The following IRF2 variants were observed in gnomAD, a reference collection of about 807,000 sequenced individuals.
IRF2 encodes the protein interferon regulatory factor 2.
IRF2 carries 15 observed loss-of-function variants against 40.6 expected under a neutral mutation model. That is an observed-to-expected ratio of 0.37 (90% CI 0.25 to 0.57). IRF2 has a LOEUF of 0.57. Ranked by LOEUF, IRF2 falls within the 20% of genes least tolerant of loss-of-function variation. IRF2 has a pLI of 0.77. For synonymous variants in IRF2, 151 were observed against 165.5 expected (o/e 0.91, Z 0.67); for missense variants, 317 against 455.7 (o/e 0.70, Z 2.77).
At chr4:184,447,053 C>A (rs948458695) in intron 1 of IRF2, among the ~76,000 whole-genome samples, 1 of 152,150 alleles carries the variant, frequency 6.6e-6, no homozygotes, top group Non-Finnish European at 1.5e-5. Context: ...AACAGCAAGA[C>A]CCCAACAGCA....
At chr4:184,411,890 C>T (rs952645144) in intron 5 of IRF2, among the ~76,000 whole-genome samples, 1 of 151,328 alleles carries the variant, frequency 6.6e-6, no homozygotes, top group African/African-American at 2.4e-5. Context: ...TAATCCTGGT[C>T]AGGATTCACA....
Position 184,388,776 on chromosome 4 carries a change from G to A in IRF2, c.1032C>T (p.Ala344=), listed in dbSNP as rs1736144232. The A allele has an allele frequency of 6.2e-7, 1 of 1,612,390 alleles. No homozygotes were observed. The highest frequency in any genetic ancestry group is 8.5e-7 in the Non-Finnish European group (1 of 1,179,912). The change falls in exon 9 of 9, where the codon GCC becomes GCT. Residue 344 remains alanine (A), a synonymous_variant. Transcript: ENST00000393593. This position sits in a 1 kb window ranked among gnomAD's most constrained non-coding sequence, Gnocchi z 4.6. ...VIKKTSDITQ[A]RVKSC ...CAGAGGCTTAACAGCTCTTGACGCG[G>A]GCCTGGGTGATATCCGATGTTTTCT...
intron 1 of IRF2, among the ~76,000 whole-genome samples, chr4:184,442,220 C>T (rs962578833): frequency 4.6e-5 from 7 of 152,182 alleles, no homozygotes; most frequent in Admixed American, 2.0e-4. Context: ...AAACATGCTG[C>T]GTTTCCTGGC....
chr4:184,451,124 T>C (rs1024143587), intron 1 of IRF2, among the ~76,000 whole-genome samples: 4 of 152,170 alleles, frequency 2.6e-5, no homozygotes, highest in African/African-American at 9.7e-5. Context: ...TTAGATTCCA[T>C]GGTACTTGGG....
At chr4:184,461,231 A>C (rs1739133469) in intron 1 of IRF2, among the ~76,000 whole-genome samples, 1 of 152,232 alleles carries the variant, frequency 6.6e-6, no homozygotes, top group Non-Finnish European at 1.5e-5. Context: ...TAAATGTGGG[A>C]GAATTGTGGA....
chr4:184,434,285 G>A (rs1484272516), intron 1 of IRF2, among the ~76,000 whole-genome samples: 1 of 152,174 alleles, frequency 6.6e-6, no homozygotes, highest in Admixed American at 6.5e-5. Flanking sequence ...TGCCATTGCT[G>A]GTGTGTGTCC....
At chr4:184,426,102 A>G (rs948626246) in intron 2 of IRF2, among the ~76,000 whole-genome samples, 6 of 152,004 alleles carry the variant, frequency 3.9e-5, no homozygotes, top group African/African-American at 1.2e-4. Context: ...TGCAACCTCA[A>G]CCTCCCAGGT....
At chr4:184,421,076 G>A (rs1013528763) in intron 2 of IRF2, among the ~76,000 whole-genome samples, 23 of 152,124 alleles carry the variant, frequency 1.5e-4, no homozygotes, top group Middle Eastern at 3.2e-3. Context: ...CTAGGTATGC[G>A]GATCCCTGCA....
chr4:184,409,755 G>T (rs1222131273), intron 5 of IRF2, among the ~76,000 whole-genome samples: 1 of 152,098 alleles, frequency 6.6e-6, no homozygotes. Flanking sequence ...TTAGCCGGGT[G>T]TGGTGGTGCA....
chr4:184,425,429 G>A (rs894091129), intron 2 of IRF2, among the ~76,000 whole-genome samples: 10 of 152,264 alleles, frequency 6.6e-5, no homozygotes, highest in African/African-American at 2.2e-4. Flanking sequence ...CCATGTGCAC[G>A]AGCAATGCCA....
At chr4:184,396,878 A>T (rs114775768) in intron 7 of IRF2, among the ~76,000 whole-genome samples, 3,245 of 152,258 alleles carry the variant, frequency 0.021, 124 homozygotes, top group African/African-American at 0.074. Flanking sequence ...TGAGGCGAGC[A>T]GATCACTTGA....
In IRF2 at chr4:184,408,357, CT is replaced by C; in HGVS notation, c.412-83del. The C allele has an allele frequency of 1.2e-6, 1 of 862,682 alleles. No homozygotes were observed. Among genetic ancestry groups the C allele is most frequent in the South Asian group, 1.4e-5 (1 of 72,306 alleles). 53.4% of individuals were successfully genotyped at this position (862,682 alleles called of 1,614,324 possible). On this transcript the variant is annotated intron_variant, in intron 5 of 8. Coordinates refer to ENST00000393593, the MANE Select transcript of IRF2 (RefSeq NM_002199.4). This position sits in a 1 kb window ranked among gnomAD's most constrained non-coding sequence, Gnocchi z 4.9. Reference sequence around the variant, plus strand: ...TAGCTGAAATTCTACCCTCTGCCTACTTTCTTTAATGCTAGGGTCATTCATG... The same window carrying C: ...TAGCTGAAATTCTACCCTCTGCCTACTTCTTTAATGCTAGGGTCATTCATG...
At chr4:184,471,454 CTT>C (rs1398631662) in intron 1 of IRF2, among the ~76,000 whole-genome samples, 1 of 152,130 alleles carries the variant, frequency 6.6e-6, no homozygotes, top group Non-Finnish European at 1.5e-5. Context: ...CATAAATTCT[CTT>C]GTCTGCGTTA....
chr4:184,470,710 GAAA>G (rs78540430), intron 1 of IRF2, among the ~76,000 whole-genome samples: 12 of 134,512 alleles, frequency 8.9e-5, no homozygotes, highest in Non-Finnish European at 1.1e-4. Flanking sequence ...AAAAAGAAAA[GAAA>G]AAAAAGGTGG....
rs148251223 is a variant in IRF2 at position 184,432,322 on chromosome 4, C to T, written c.-6-3252G>A. Among the ~76,000 whole-genome samples the T allele has an allele frequency of 3.0e-3, 457 of 152,336 alleles. 1 individual carries two copies. Among genetic ancestry groups the T allele is most frequent in the Non-Finnish European group, 5.3e-3 (362 of 68,032 alleles). ...TGGACAAGGCCACACTCTGCCTTCCCGCTCTTGCTCTCCTATGGCAGACAA... is the reference window on the plus strand; with the variant it reads ...TGGACAAGGCCACACTCTGCCTTCCTGCTCTTGCTCTCCTATGGCAGACAA... On this transcript the variant is annotated intron_variant, in intron 1 of 8. Transcript: ENST00000393593.
intron 7 of IRF2, among the ~76,000 whole-genome samples, chr4:184,395,892 T>C (rs762494408): frequency 3.9e-5 from 6 of 152,242 alleles, no homozygotes; most frequent in Admixed American, 2.6e-4. Context: ...ATGGATCTGC[T>C]GTTCTCCGGA....
Position 184,413,210 on chromosome 4 carries a change from G to A in IRF2, c.412-4935C>T, listed in dbSNP as rs1054411442. Among the ~76,000 whole-genome samples the A allele has an allele frequency of 2.6e-5, 4 of 152,088 alleles. No individual in the cohort carries two copies. The highest frequency in any genetic ancestry group is 9.7e-5 in the African/African-American group (4 of 41,406). On this transcript the variant is annotated intron_variant, in intron 5 of 8. Coordinates refer to ENST00000393593, the MANE Select transcript of IRF2 (RefSeq NM_002199.4). This position sits in a 1 kb window ranked among gnomAD's most constrained non-coding sequence, Gnocchi z 4.2. Reference sequence around the variant, plus strand: ...CCTGCCTCCCACTCCTTCCCATCCCGGTGAGAAAGGCCTCCCTTACATATC... The same window carrying A: ...CCTGCCTCCCACTCCTTCCCATCCCAGTGAGAAAGGCCTCCCTTACATATC...
At chr4:184,455,253 T>TCCCCCTTCCCC (rs1561125267) in intron 1 of IRF2, among the ~76,000 whole-genome samples, 10 of 35,388 alleles carry the variant, frequency 2.8e-4, no homozygotes, top group Admixed American at 5.0e-4. Context: ...TCCCCTCCCC[T>TCCCCCTTCCCC]CCCCCTTCCC....
At chr4:184,441,845 C>T (rs1021742689) in intron 1 of IRF2, among the ~76,000 whole-genome samples, 1 of 152,174 alleles carries the variant, frequency 6.6e-6, no homozygotes, top group Admixed American at 6.5e-5. Context: ...AACTGAGGCA[C>T]GTAAGGTTAA....
Sources: allele counts gnomAD v4.1 joint callset (sites outside exome capture counted in the v4.1 genomes callset), GRCh38; gene constraint gnomAD v4.1.1; non-coding constraint Gnocchi (gnomAD v3.1); transcripts MANE v1.5; gene names NCBI Gene and HGNC (gene_info 2026-07-23, HGNC 2026-07-21).